The following FAM184B variants were observed in gnomAD, a reference collection of about 807,000 sequenced individuals.
FAM184B encodes the protein protein FAM184B.
In FAM184B, 111 loss-of-function variants were observed where a neutral mutation model predicts 135.9. That is an observed-to-expected ratio of 0.82 (90% CI 0.70 to 0.96). FAM184B has a LOEUF of 0.96. FAM184B is among the 40% of genes least tolerant of loss of function. The pLI is 0.00. For synonymous variants in FAM184B, 552 were observed against 524.8 expected (o/e 1.05, Z -0.71); for missense variants, 1,375 against 1,323.9 (o/e 1.04, Z -0.60).
At chr4:17,705,916 T>C (rs1415572002) in intron 3 of FAM184B, 25 bp from the exon 4 acceptor site, 7 of 1,551,736 alleles carry the variant, frequency 4.5e-6, no homozygotes, top group African/African-American at 2.7e-5. Flanking sequence ...TTCAGCATTA[T>C]TTGGAATGCT....
rs552450769 is a variant in FAM184B at position 17,646,369 on chromosome 4, C to T, written c.2346+1268G>A. On this transcript the variant is annotated intron_variant, in intron 12 of 17. Transcript: ENST00000265018. ...GATAGACTGGATTAAGAAAATGTGG[C>T]ACATATACACCATGGAATACTATGC... 3.2e-4 allele frequency among the ~76,000 whole-genome samples: 49 copies of T among 152,160 alleles called. No homozygotes were observed. The East Asian group carries it at 9.1e-3, about 28-fold the overall frequency.
At chr4:17,687,665 A>G (rs1057250673) in intron 7 of FAM184B, among the ~76,000 whole-genome samples, 1 of 152,178 alleles carries the variant, frequency 6.6e-6, no homozygotes, top group Non-Finnish European at 1.5e-5. Flanking sequence ...ACTCAGAGAC[A>G]AGGGGAAAGA....
chr4:17,673,917 A>G (rs575338184), intron 7 of FAM184B, among the ~76,000 whole-genome samples: 51 of 151,972 alleles, frequency 3.4e-4, no homozygotes, highest in African/African-American at 1.2e-3. Flanking sequence ...CTATGGAAAT[A>G]AAAAAAAATT....
intron 10 of FAM184B, among the ~76,000 whole-genome samples, chr4:17,657,062 G>A (rs1241265456): frequency 2.0e-5 from 3 of 152,012 alleles, no homozygotes; most frequent in Non-Finnish European, 4.4e-5. Context: ...TCCTTATTGA[G>A]AATATGTAAA....
intron 8 of FAM184B, 47 bp downstream of exon 8, chr4:17,664,515 A>G (rs193201022): frequency 8.9e-6 from 12 of 1,355,490 alleles, no homozygotes; most frequent in African/African-American, 7.3e-5. Context: ...TCCACATCTG[A>G]GTCCTCATTC....
chr4:17,652,519 TAAGC>T (rs1259875277), intron 11 of FAM184B, among the ~76,000 whole-genome samples: 1 of 152,214 alleles, frequency 6.6e-6, no homozygotes, highest in Non-Finnish European at 1.5e-5. Flanking sequence ...AGACTCACAG[TAAGC>T]CATCCCAGGT....
chr4:17,680,726 A>G (rs1414145508), intron 7 of FAM184B, among the ~76,000 whole-genome samples: 1 of 152,150 alleles, frequency 6.6e-6, no homozygotes, highest in Non-Finnish European at 1.5e-5. Flanking sequence ...CTCCTTTCCA[A>G]ACCATCTACT....
chr4:17,646,909 G>T (rs1200133561), intron 12 of FAM184B, among the ~76,000 whole-genome samples: 1 of 151,994 alleles, frequency 6.6e-6, no homozygotes, highest in African/African-American at 2.4e-5. Flanking sequence ...GAAGAGGAAA[G>T]AGAGTTGGCA....
intron 1 of FAM184B, among the ~76,000 whole-genome samples, chr4:17,767,318 G>A (rs1718722572): frequency 6.6e-6 from 1 of 152,212 alleles, no homozygotes; most frequent in African/African-American, 2.4e-5. Flanking sequence ...GGCTGACAAA[G>A]CCCCGAGCCA....
chr4:17,650,860 A>C (rs886839816), intron 11 of FAM184B, among the ~76,000 whole-genome samples: 2 of 152,126 alleles, frequency 1.3e-5, no homozygotes, highest in African/African-American at 4.8e-5. Flanking sequence ...TATGGAGGTA[A>C]AGAAAATGCT....
At position 17,774,992 on chromosome 4, in the gene FAM184B, CTTTTTTTTTTTTT is replaced by C. The variant is rs71167338; in HGVS notation, c.141+6154_141+6166del. 9.8e-5 allele frequency among the ~76,000 whole-genome samples: 8 copies of C among 81,746 alleles called. No homozygotes were observed. In the South Asian group the frequency reaches 3.3e-3, roughly 33 times the overall value. 53.6% of individuals were successfully genotyped at this position (81,746 alleles called of 152,430 possible). ...CCTAAGAATAAGATATTTTCCTTTT[CTTTTTTTTTTTTT>C]TTTTTTTTTTGAGATGGAGTCTTGC... On this transcript the variant is annotated intron_variant, in intron 1 of 17. Transcript: ENST00000265018.
At chr4:17,683,512 C>A (rs1438841663) in intron 7 of FAM184B, among the ~76,000 whole-genome samples, 1 of 152,132 alleles carries the variant, frequency 6.6e-6, no homozygotes, top group Non-Finnish European at 1.5e-5. Flanking sequence ...GATTATCCAG[C>A]CAGTAAGAAC....
intron 9 of FAM184B, among the ~76,000 whole-genome samples, chr4:17,659,318 G>A (rs937472893): frequency 6.6e-6 from 1 of 151,940 alleles, no homozygotes; most frequent in African/African-American, 2.4e-5. Context: ...TGTTGGCCTG[G>A]TTGGTCTTGA....
chr4:17,706,805 G>A (rs949517166), intron 3 of FAM184B, among the ~76,000 whole-genome samples: 25 of 151,604 alleles, frequency 1.6e-4, no homozygotes, highest in African/African-American at 6.1e-4. Context: ...TTTTTTTTGA[G>A]AGGGAGTTTT....
At chr4:17,675,514 A>C (rs1716292257) in intron 7 of FAM184B, among the ~76,000 whole-genome samples, 1 of 152,194 alleles carries the variant, frequency 6.6e-6, no homozygotes, top group Admixed American at 6.5e-5. Context: ...TTTAACTTAA[A>C]GTCACTAGCT....
At chr4:17,681,821 C>G (rs1295729314) in intron 7 of FAM184B, among the ~76,000 whole-genome samples, 1 of 152,146 alleles carries the variant, frequency 6.6e-6, no homozygotes, top group Non-Finnish European at 1.5e-5. Context: ...ATTTCAGTGT[C>G]AAGCAGATGT....
At chr4:17,637,458 A>T (rs1715177712) in intron 14 of FAM184B, among the ~76,000 whole-genome samples, 1 of 152,192 alleles carries the variant, frequency 6.6e-6, no homozygotes, top group Admixed American at 6.5e-5. Flanking sequence ...CCCGGCTCTA[A>T]TACTGGCTCT....
chr4:17,632,392 A>G lies in FAM184B; in HGVS notation c.*140T>C. 1.5e-6 allele frequency: 1 copy of G among 650,470 alleles called. No individual in the cohort carries two copies. Among genetic ancestry groups the G allele is most frequent in the East Asian group, 3.0e-5 (1 of 32,994 alleles). The allele number at this position is 650,470 out of a possible 1,614,324, so 40.3% of individuals were successfully genotyped here. ...GCCTGGCAGAACAGTATGAAGTGTT[A>G]ACGCCAAAATTTGTTTTAGCTATCA... On this transcript the variant is annotated 3_prime_UTR_variant, in exon 18 of 18. Transcript: ENST00000265018.
Position 17,629,926 on chromosome 4 carries a change from G to A in FAM184B, c.*2606C>T, listed in dbSNP as rs577338914. 6.6e-6 allele frequency: 1 copy of A among 152,162 alleles called. No individual in the cohort carries two copies. Among genetic ancestry groups the A allele is most frequent in the Non-Finnish European group, 1.5e-5 (1 of 68,024 alleles). The allele number at this position is 152,162 out of a possible 1,614,324, so 9.4% of individuals were successfully genotyped here. On this transcript the variant is annotated 3_prime_UTR_variant, in exon 18 of 18. Coordinates refer to ENST00000265018, the MANE Select transcript of FAM184B (RefSeq NM_015688.2). The stretch of plus-strand genomic sequence containing the variant: ...AAAGCTTAAGTTTGTGTCCTTAAAT[G>A]CCTTACTTCAATACCCAAGGCATAT...
Sources: allele counts gnomAD v4.1 joint callset (sites outside exome capture counted in the v4.1 genomes callset), GRCh38; gene constraint gnomAD v4.1.1; transcripts MANE v1.5; gene names NCBI Gene and HGNC (gene_info 2026-07-23, HGNC 2026-07-21).